TMCO4: variants seen among roughly 807,000 people sequenced by gnomAD.
TMCO4 encodes the protein transmembrane and coiled-coil domain-containing protein 4.
TMCO4 carries 58 observed loss-of-function variants against 64.7 expected under a neutral mutation model. The observed-to-expected ratio is 0.90, with a 90% CI of 0.73 to 1.12. The LOEUF is 1.12. Among genes scored for constraint, TMCO4 ranks in the 50% most tolerant of loss-of-function variants. The pLI is 0.00. For synonymous variants in TMCO4, 325 were observed against 346.1 expected, an observed-to-expected ratio of 0.94 and a Z score of 0.68; for missense variants, 780 against 825.9, an observed-to-expected ratio of 0.94 and a Z score of 0.68.
intron 4 of TMCO4, among the ~76,000 whole-genome samples, chr1:19,777,671 A>G (rs1353913150): frequency 6.6e-6 from 1 of 152,184 alleles, no homozygotes; most frequent in African/African-American, 2.4e-5. Context: ...GAGGCACTGA[A>G]TCAACCCTGG....
intron 13 of TMCO4, among the ~76,000 whole-genome samples, chr1:19,728,121 G>C (rs1447969094): frequency 6.6e-6 from 1 of 152,164 alleles, no homozygotes; most frequent in Non-Finnish European, 1.5e-5. Flanking sequence ...TAGTAGCTGG[G>C]TGATAAAATA....
chr1:19,721,878 C>T (rs1045468105), intron 13 of TMCO4, among the ~76,000 whole-genome samples: 1 of 152,160 alleles, frequency 6.6e-6, no homozygotes, highest in Non-Finnish European at 1.5e-5. Context: ...ATATACTGAC[C>T]TTCCAGGTAC....
chr1:19,705,782 T>A (rs2095299947), intron 13 of TMCO4, among the ~76,000 whole-genome samples: 1 of 150,826 alleles, frequency 6.6e-6, no homozygotes, highest in African/African-American at 2.5e-5. Context: ...CTGTCATAGC[T>A]GCTGGAAAGG....
intron 2 of TMCO4, among the ~76,000 whole-genome samples, chr1:19,789,384 G>A (rs991574005): frequency 2.6e-5 from 4 of 152,074 alleles, no homozygotes; most frequent in Admixed American, 6.6e-5. Context: ...ACTCCAGCCT[G>A]GGCGACACAG....
At chr1:19,702,324 G>A (rs917200470) in intron 13 of TMCO4, among the ~76,000 whole-genome samples, 15 of 148,890 alleles carry the variant, frequency 1.0e-4, no homozygotes, top group Admixed American at 1.3e-4. Context: ...CGGCACAGTC[G>A]CTTATGCCTG....
intron 3 of TMCO4, among the ~76,000 whole-genome samples, chr1:19,786,798 C>A (rs755255872): frequency 6.6e-6 from 1 of 152,136 alleles, no homozygotes; most frequent in Non-Finnish European, 1.5e-5. Context: ...AAAACCTTTT[C>A]TTGAGGCAAA....
chr1:19,717,194 TA>T (rs1377882790), intron 13 of TMCO4, among the ~76,000 whole-genome samples: 3 of 152,110 alleles, frequency 2.0e-5, no homozygotes, highest in Non-Finnish European at 4.4e-5. Context: ...CTCAAATAAA[TA>T]AAATTAATTA....
At chr1:19,799,334 TTC>T (rs2101199782) in intron 1 of TMCO4, 1 of 152,390 alleles carries the variant, frequency 6.6e-6, no homozygotes, top group Non-Finnish European at 1.5e-5. Context: ...CCTCCTGGAA[TTC>T]TCTGTTTGAG....
At chr1:19,709,641 A>G (rs1336722127) in intron 13 of TMCO4, among the ~76,000 whole-genome samples, 1 of 152,158 alleles carries the variant, frequency 6.6e-6, no homozygotes, top group African/African-American at 2.4e-5. Context: ...TCTTGCAAAC[A>G]TCATGGGCAA....
At chr1:19,745,105 T>C (rs2041707176) in intron 10 of TMCO4, among the ~76,000 whole-genome samples, 1 of 150,768 alleles carries the variant, frequency 6.6e-6, no homozygotes, top group Non-Finnish European at 1.5e-5. Flanking sequence ...GATGGGTGGG[T>C]GCATGGATAG....
chr1:19,794,026 C>A (rs2044183588), intron 2 of TMCO4, among the ~76,000 whole-genome samples: 1 of 152,084 alleles, frequency 6.6e-6, no homozygotes, highest in Admixed American at 6.5e-5. Context: ...TGCAATCTGG[C>A]CTGAATTGCC....
At chr1:19,709,289 G>C (rs375235372) in intron 13 of TMCO4, among the ~76,000 whole-genome samples, 11 of 144,232 alleles carry the variant, frequency 7.6e-5, no homozygotes, top group South Asian at 2.1e-4. Flanking sequence ...ATCCCGGCGG[G>C]GGGGGGGGAC....
At chr1:19,787,570 T>C (rs1438689532) in intron 2 of TMCO4, among the ~76,000 whole-genome samples, 2 of 152,090 alleles carry the variant, frequency 1.3e-5, no homozygotes, top group Admixed American at 1.3e-4. Context: ...CCTATATTTC[T>C]CCCTAAAGGC....
intron 13 of TMCO4, among the ~76,000 whole-genome samples, chr1:19,719,864 G>T (rs184839222): frequency 1.3e-5 from 2 of 152,190 alleles, no homozygotes; most frequent in Non-Finnish European, 1.5e-5. Context: ...TTGGTGGCAG[G>T]CACCTGTAGT....
intron 13 of TMCO4, among the ~76,000 whole-genome samples, chr1:19,722,924 C>T (rs1421911611): frequency 2.0e-5 from 3 of 152,192 alleles, no homozygotes; most frequent in South Asian, 4.2e-4. Context: ...CAGGCCTCCT[C>T]CTATTGCTCC....
At chr1:19,706,071 T>G (rs1250266919) in intron 13 of TMCO4, among the ~76,000 whole-genome samples, 2 of 152,028 alleles carry the variant, frequency 1.3e-5, no homozygotes, top group South Asian at 2.1e-4. Context: ...ACCTGGCTGA[T>G]TTGTTAAATT....
At chr1:19,765,978 A>C (rs576765736) in intron 6 of TMCO4, among the ~76,000 whole-genome samples, 1 of 152,054 alleles carries the variant, frequency 6.6e-6, no homozygotes, top group Non-Finnish European at 1.5e-5. Context: ...TCAGCATCTA[A>C]GCTCATTCTC....
At chr1:19,696,773 T>C (rs1218914206) in intron 14 of TMCO4, among the ~76,000 whole-genome samples, 1 of 152,200 alleles carries the variant, frequency 6.6e-6, no homozygotes, top group Non-Finnish European at 1.5e-5. Flanking sequence ...GTTGTAATTA[T>C]GACAACATTT....
At chr1:19,744,262 A>C (rs2041664283) in intron 10 of TMCO4, among the ~76,000 whole-genome samples, 1 of 152,078 alleles carries the variant, frequency 6.6e-6, no homozygotes, top group Admixed American at 6.5e-5. Context: ...TAACAAGTGG[A>C]CCATGGTGTG....
Sources: allele counts gnomAD v4.1 joint callset (sites outside exome capture counted in the v4.1 genomes callset), GRCh38; gene constraint gnomAD v4.1.1; transcripts MANE v1.5; gene names NCBI Gene and HGNC (gene_info 2026-07-23, HGNC 2026-07-21).